The following ACAA2 variants were observed in gnomAD, a reference collection of about 807,000 sequenced individuals.
ACAA2 encodes acetyl-CoA acyltransferase 2.
In ACAA2, 35 loss-of-function variants were observed where a neutral mutation model predicts 44.8. That is an observed-to-expected ratio of 0.78 (90% CI 0.60 to 1.04). ACAA2 has a LOEUF of 1.04. Ranked by LOEUF, ACAA2 falls within the 50% of genes least tolerant of loss-of-function variation. The probability of loss-of-function intolerance (pLI) is 0.00; values close to 1 mark genes in which losing one functional copy is unlikely to be tolerated. For missense variants in ACAA2, 468 were observed against 482.6 expected, an observed-to-expected ratio of 0.97 and a Z score of 0.28; for synonymous variants, 142 against 166.5, an observed-to-expected ratio of 0.85 and a Z score of 1.13.
intron 7 of ACAA2, among the ~76,000 whole-genome samples, chr18:49,791,244 A>T (rs1054375792): frequency 1.3e-5 from 2 of 152,246 alleles, no homozygotes; most frequent in Admixed American, 1.3e-4. Flanking sequence ...TTTAAATCTC[A>T]AATGGACACT....
chr18:49,803,055 A>C, intron 1 of ACAA2: 1 of 640,856 alleles, frequency 1.6e-6, no homozygotes, highest in Non-Finnish European at 2.8e-6. Flanking sequence ...CTTTACCTAC[A>C]TGCAGGTACC....
chr18:49,794,005 C>G (rs918925500), intron 5 of ACAA2, among the ~76,000 whole-genome samples: 1 of 152,162 alleles, frequency 6.6e-6, no homozygotes, highest in African/African-American at 2.4e-5. Flanking sequence ...CTACTGACAA[C>G]AGGACCAGTT....
At position 49,785,333 on chromosome 18, in the gene ACAA2, G is replaced by C; in HGVS notation, c.973C>G (p.Pro325Ala). The stretch of plus-strand genomic sequence containing the variant: ...CTCCTCTCAACAGCCAAGTACTGGG[G>C]AGCAAAAGCTTCATTCACCTTAAAA... ...DLVEVNEAFAPQYLAVERSLD... is the reference protein window; with the variant it reads ...DLVEVNEAFAAQYLAVERSLD... Residue 325 changes from proline to alanine, a missense_variant, in exon 9 of 10, where the codon CCC becomes GCC. Coordinates refer to ENST00000285093, the MANE Select transcript of ACAA2 (RefSeq NM_006111.3). The C allele has an allele frequency of 1.2e-6, 2 of 1,613,132 alleles. No homozygotes were observed. Among genetic ancestry groups the C allele is most frequent in the Non-Finnish European group, 1.7e-6 (2 of 1,179,800 alleles).
intron 7 of ACAA2, among the ~76,000 whole-genome samples, chr18:49,788,533 T>TAATA (rs1204156596): frequency 1.3e-5 from 2 of 148,688 alleles, no homozygotes; most frequent in African/African-American, 4.9e-5. Context: ...GCTACTGATT[T>TAATA]ACTACAGGAT....
At chr18:49,795,158 T>C (rs572828416) in intron 4 of ACAA2, among the ~76,000 whole-genome samples, 2 of 152,342 alleles carry the variant, frequency 1.3e-5, no homozygotes, top group Admixed American at 1.3e-4. Flanking sequence ...CAAACATTAC[T>C]ATAGAAAATG....
At position 49,783,825 on chromosome 18, in the gene ACAA2, C is replaced by T. The variant is rs370540752; in HGVS notation, c.*22G>A. ...CTGGCCAAGTAGAGTAAGGATGGGT[C>T]ACAGTGAGCTCACTGGTCTCTTCAG... On this transcript the variant is annotated 3_prime_UTR_variant, in exon 10 of 10. Transcript: ENST00000285093. 1.7e-5 allele frequency: 28 copies of T among 1,606,640 alleles called. No individual in the cohort carries two copies. In the South Asian group the frequency reaches 2.8e-4, roughly 16 times the overall value.
intron 1 of ACAA2, among the ~76,000 whole-genome samples, chr18:49,807,306 C>A (rs2023619408): frequency 6.6e-6 from 1 of 152,118 alleles, no homozygotes; most frequent in African/African-American, 2.4e-5. Flanking sequence ...GAGTTCAAGG[C>A]TACCGTGGGC....
In ACAA2 at chr18:49,797,452, A is replaced by C; in HGVS notation, c.312+14T>G. 6.3e-7 allele frequency: 1 copy of C among 1,592,462 alleles called. No individual in the cohort carries two copies. The highest frequency in any genetic ancestry group is 8.5e-7 in the Non-Finnish European group (1 of 1,173,876). ...AACATATTTTCAGAGAATTTAAAAA[A>C]ATGTTGTCCATACCTGACATCCATT... On this transcript the variant is annotated intron_variant, in intron 3 of 9. Transcript: ENST00000285093.
At chr18:49,808,553 C>T (rs551542614) in intron 1 of ACAA2, among the ~76,000 whole-genome samples, 2 of 152,278 alleles carry the variant, frequency 1.3e-5, no homozygotes, top group East Asian at 3.9e-4. Context: ...AATTTTACAG[C>T]TGGGCCGCCG....
intron 2 of ACAA2, among the ~76,000 whole-genome samples, chr18:49,800,069 A>T (rs2023521727): frequency 6.7e-6 from 1 of 150,066 alleles, no homozygotes; most frequent in African/African-American, 2.5e-5. Flanking sequence ...CAACCACGCC[A>T]TCCGGGAGGG....
intron 5 of ACAA2, among the ~76,000 whole-genome samples, chr18:49,793,110 A>G (rs928666743): frequency 3.3e-5 from 5 of 152,140 alleles, no homozygotes; most frequent in Non-Finnish European, 7.3e-5. Flanking sequence ...AAAAGTTACC[A>G]AGTTGTCTAT....
At chr18:49,791,714 AGT>A in intron 6 of ACAA2, 115 bp from the exon 7 acceptor site, 1 of 999,342 alleles carries the variant, frequency 1.0e-6, no homozygotes, top group Non-Finnish European at 1.4e-6. Context: ...GCCAGTGCAC[AGT>A]GTGAGATACA....
At chr18:49,789,642 A>ATTTG (rs1214006035) in intron 7 of ACAA2, among the ~76,000 whole-genome samples, 4 of 152,198 alleles carry the variant, frequency 2.6e-5, no homozygotes, top group African/African-American at 9.7e-5. Flanking sequence ...TGTCACATAC[A>ATTTG]TTTGTTTGAT....
chr18:49,790,106 A>G (rs758014832), intron 7 of ACAA2, among the ~76,000 whole-genome samples: 1 of 152,336 alleles, frequency 6.6e-6, no homozygotes. Context: ...CCATAACAAC[A>G]TACGGATGTT....
At chr18:49,809,921 A>G (rs1568592107) in intron 1 of ACAA2, among the ~76,000 whole-genome samples, 1 of 152,248 alleles carries the variant, frequency 6.6e-6, no homozygotes, top group Non-Finnish European at 1.5e-5. Context: ...TAACAAATGT[A>G]CCACACTAAT....
chr18:49,800,310 C>T (rs576985572), intron 2 of ACAA2, among the ~76,000 whole-genome samples: 23 of 142,642 alleles, frequency 1.6e-4, no homozygotes, highest in African/African-American at 4.9e-4. Context: ...CCGCCCCGTC[C>T]GGGAGGTGAG....
rs200198861 is a variant in ACAA2 at position 49,791,460 on chromosome 18, A to G, written c.883+10T>C. The G allele has an allele frequency of 8.7e-6, 14 of 1,609,084 alleles. No individual in the cohort carries two copies. In the East Asian group the frequency reaches 3.1e-4, roughly 36 times the overall value. On this transcript the variant is annotated intron_variant, in intron 7 of 9. Coordinates refer to ENST00000285093, the MANE Select transcript of ACAA2 (RefSeq NM_006111.3). ...TATTATAGAACCAGTTTGTTTTACT[A>G]TAAACTTACCAATACCCATGATAGA...
chr18:49,800,381 C>A (rs1250930861), intron 2 of ACAA2, among the ~76,000 whole-genome samples: 1 of 152,282 alleles, frequency 6.6e-6, no homozygotes, highest in East Asian at 1.9e-4. Context: ...CGGCCACCAC[C>A]CCGTCTGGGA....
At chr18:49,794,942 G>T (rs1436982441) in intron 4 of ACAA2, among the ~76,000 whole-genome samples, 2 of 152,216 alleles carry the variant, frequency 1.3e-5, no homozygotes, top group African/African-American at 4.8e-5. Flanking sequence ...CAGAGTTACA[G>T]AAAGGTTGTT....
Sources: gnomAD v4.1 joint callset for allele counts (sites outside exome capture counted in the v4.1 genomes callset) on GRCh38, gnomAD v4.1.1 for gene constraint, MANE v1.5 for transcripts, NCBI Gene and HGNC (gene_info 2026-07-23, HGNC 2026-07-21) for gene names.